The following CCDC93 variants were observed in gnomAD, a reference collection of about 807,000 sequenced individuals.
The protein encoded by CCDC93 is coiled-coil domain-containing protein 93.
CCDC93 carries 61 observed loss-of-function variants against 108.2 expected under a neutral mutation model. The ratio of observed to expected loss-of-function variants is 0.56; its 90% CI spans 0.46 to 0.70. The LOEUF (loss-of-function observed/expected upper bound fraction) is 0.70. Among genes scored for constraint, CCDC93 ranks in the 30% least tolerant of loss-of-function variants. The pLI is 0.00. For synonymous variants in CCDC93, 276 were observed against 260.4 expected (o/e 1.06, Z -0.58); for missense variants, 685 against 764.2 (o/e 0.90, Z 1.22).
chr2:117,934,778 G>C (rs959930749), intron 22 of CCDC93: 1 of 152,156 alleles, frequency 6.6e-6, no homozygotes, highest in Non-Finnish European at 1.5e-5. Flanking sequence ...CAACGTCCCC[G>C]GAAGATTTTA....
intron 22 of CCDC93, among the ~76,000 whole-genome samples, chr2:117,933,748 A>G (rs1678426197): frequency 6.6e-6 from 1 of 152,092 alleles, no homozygotes; most frequent in East Asian, 1.9e-4. Context: ...ACATCCATCC[A>G]AGTGACTGCT....
At chr2:117,954,159 C>G (rs1047417674) in intron 12 of CCDC93, among the ~76,000 whole-genome samples, 7 of 152,194 alleles carry the variant, frequency 4.6e-5, no homozygotes, top group Non-Finnish European at 1.0e-4. Context: ...TGTGTAGCCT[C>G]TCACCCCTGC....
chr2:117,981,685 C>T (rs1456397727), intron 7 of CCDC93, among the ~76,000 whole-genome samples: 4 of 152,206 alleles, frequency 2.6e-5, no homozygotes, highest in Non-Finnish European at 5.9e-5. Flanking sequence ...TTCATATGAC[C>T]AAGTTATTCC....
At chr2:117,990,614 T>C (rs1055013791) in intron 6 of CCDC93, among the ~76,000 whole-genome samples, 11 of 135,080 alleles carry the variant, frequency 8.1e-5, no homozygotes, top group Non-Finnish European at 1.2e-4. Context: ...GAGGATGTCC[T>C]ACATAATGGC....
At chr2:117,950,297 T>TAATAATGGGA in intron 13 of CCDC93, 1 of 985,126 alleles carries the variant, frequency 1.0e-6, no homozygotes, top group Non-Finnish European at 1.2e-6. Flanking sequence ...ATTCTGATCT[T>TAATAATGGGA]AATAGTTACA....
intron 10 of CCDC93, among the ~76,000 whole-genome samples, chr2:117,974,468 T>C (rs900067944): frequency 6.6e-6 from 1 of 152,182 alleles, no homozygotes; most frequent in African/African-American, 2.4e-5. Context: ...TGGACAGGCT[T>C]TGAGCTCTGG....
At chr2:117,980,139 G>A (rs1483430425) in intron 7 of CCDC93, among the ~76,000 whole-genome samples, 1 of 152,192 alleles carries the variant, frequency 6.6e-6, no homozygotes, top group African/African-American at 2.4e-5. Flanking sequence ...CTAGCTTCCT[G>A]ATTTTGGAGG....
chr2:117,973,815 C>T (rs566890002), intron 11 of CCDC93, 93 bp downstream of exon 11: 13 of 923,690 alleles, frequency 1.4e-5, no homozygotes, highest in Admixed American at 4.0e-5. Flanking sequence ...CAAGAGAACA[C>T]GGGGCACTGC....
At chr2:117,971,532 A>T (rs934513350) in intron 11 of CCDC93, among the ~76,000 whole-genome samples, 2 of 152,228 alleles carry the variant, frequency 1.3e-5, no homozygotes, top group African/African-American at 4.8e-5. Flanking sequence ...AGTGCCAGGC[A>T]CCGTTTGAGG....
intron 13 of CCDC93, among the ~76,000 whole-genome samples, 170 bp downstream of exon 13, chr2:117,952,203 G>A (rs1010252965): frequency 6.6e-6 from 1 of 151,648 alleles, no homozygotes; most frequent in African/African-American, 2.4e-5. Context: ...GATGACATGG[G>A]TCACGCACTA....
chr2:118,009,420 C>T (rs1048584107), intron 1 of CCDC93, among the ~76,000 whole-genome samples: 2 of 151,712 alleles, frequency 1.3e-5, no homozygotes, highest in African/African-American at 2.4e-5. Context: ...CTAATCCCAC[C>T]GATTTAGGAG....
chr2:117,985,841 A>G (rs545358509), intron 7 of CCDC93, 128 bp downstream of exon 7: 2 of 602,746 alleles, frequency 3.3e-6, no homozygotes, highest in Non-Finnish European at 5.9e-6. Context: ...AAAGTCCCTG[A>G]TGTTGGAAAT....
chr2:117,931,181 A>G, intron 22 of CCDC93, 31 bp from the exon 23 acceptor site: 1 of 1,498,746 alleles, frequency 6.7e-7, no homozygotes. Context: ...ATGGTGATGA[A>G]AAGACATGTT....
chr2:117,935,671 C>A, intron 21 of CCDC93, 92 bp from the exon 22 acceptor site: 1 of 937,856 alleles, frequency 1.1e-6, no homozygotes, highest in Non-Finnish European at 1.7e-6. Flanking sequence ...CAGATTATGA[C>A]TCTTAGGAGA....
intron 14 of CCDC93, 41 bp downstream of exon 14, chr2:117,949,281 T>C (rs771117875): frequency 1.4e-6 from 2 of 1,406,052 alleles, no homozygotes; most frequent in Non-Finnish European, 2.0e-6. Context: ...GCAAAGTCAC[T>C]TTCATCAAAG....
intron 18 of CCDC93, among the ~76,000 whole-genome samples, chr2:117,943,465 G>C (rs963644499): frequency 1.3e-5 from 2 of 152,198 alleles, no homozygotes; most frequent in Non-Finnish European, 2.9e-5. Context: ...GTGCCAGAGA[G>C]AGGGGAAAGG....
intron 14 of CCDC93, 128 bp downstream of exon 14, chr2:117,949,194 T>A (rs1678971844): frequency 3.0e-6 from 2 of 659,112 alleles, no homozygotes; most frequent in East Asian, 5.3e-5. Flanking sequence ...AGTAAAATGA[T>A]CTGACCTGCA....
Position 118,006,820 on chromosome 2 carries a change from C to T in CCDC93, c.157-4G>A. The T allele has an allele frequency of 6.4e-7, 1 of 1,565,840 alleles. No individual in the cohort carries two copies. Among genetic ancestry groups the T allele is most frequent in the African/African-American group, 1.4e-5 (1 of 73,916 alleles). On this transcript the variant is annotated splice_polypyrimidine_tract_variant and splice_region_variant and intron_variant, in intron 2 of 23. Transcript: ENST00000376300. ...ACCAAGTCATTCCTCCTACTACCTG[C>T]AAGACATAAAGAAAATATTTGTTTT...
intron 13 of CCDC93, chr2:117,951,139 G>T (rs541362206): frequency 1.0e-6 from 1 of 983,534 alleles, no homozygotes; most frequent in Non-Finnish European, 1.2e-6. Context: ...AAGATATTTT[G>T]CCTTTAATCT....
Sources: gnomAD v4.1 joint callset for allele counts (sites outside exome capture counted in the v4.1 genomes callset) on GRCh38, gnomAD v4.1.1 for gene constraint, MANE v1.5 for transcripts, NCBI Gene and HGNC (gene_info 2026-07-23, HGNC 2026-07-21) for gene names.